COBLL1: variants seen among roughly 807,000 people sequenced by gnomAD.
The protein encoded by COBLL1 is cordon-bleu protein-like 1.
Under a neutral mutation model 94.8 loss-of-function variants are expected in COBLL1, and 50 were observed. The observed-to-expected ratio is 0.53, with a 90% CI of 0.42 to 0.67. COBLL1 has a LOEUF of 0.67. Ranked by LOEUF, COBLL1 falls within the 30% of genes least tolerant of loss-of-function variation. The pLI is 0.00. For synonymous variants in COBLL1, 448 were observed against 473.8 expected, an observed-to-expected ratio of 0.95 and a Z score of 0.71; for missense variants, 1,362 against 1,348.7, an observed-to-expected ratio of 1.01 and a Z score of -0.15.
intron 2 of COBLL1, chr2:164,840,858 G>A: frequency 8.9e-6 from 3 of 336,796 alleles, no homozygotes; most frequent in Non-Finnish European, 1.6e-5. Flanking sequence ...CCAAACAAGG[G>A]TCCCTTTGTT....
chr2:164,738,228 G>A (rs1686415566), intron 3 of COBLL1: 1 of 152,176 alleles, frequency 6.6e-6, no homozygotes, highest in Non-Finnish European at 1.5e-5. Flanking sequence ...AACAGGCTAA[G>A]AAGGATTCGT....
intron 11 of COBLL1, chr2:164,697,921 A>T (rs564883486): frequency 6.6e-6 from 1 of 152,200 alleles, no homozygotes; most frequent in Non-Finnish European, 1.5e-5. Context: ...TCTACTCAAA[A>T]GTGACACTGA....
rs1683267971 is a variant in COBLL1, at chr2:164,686,045, AAC to A, written c.3301-15_3301-14del. The A allele has an allele frequency of 5.3e-6, 8 of 1,516,068 alleles. No homozygotes were observed. Among genetic ancestry groups the A allele is most frequent in the Non-Finnish European group, 7.3e-6 (8 of 1,097,090 alleles). 93.9% of individuals were successfully genotyped at this position (1,516,068 alleles called of 1,614,324 possible). The stretch of plus-strand genomic sequence containing the variant: ...ATGGAATGGTAACCTAAGAGAAAGA[AAC>A]ACACTTTGCACCCATCAATTTAAAA... On this transcript the variant is annotated splice_polypyrimidine_tract_variant and intron_variant, in intron 13 of 13. Coordinates refer to ENST00000652658, the MANE Select transcript of COBLL1 (RefSeq NM_001365672.2).
intron 2 of COBLL1, among the ~76,000 whole-genome samples, chr2:164,814,314 C>A (rs998702239): frequency 3.9e-5 from 6 of 151,962 alleles, no homozygotes; most frequent in Non-Finnish European, 7.4e-5. Context: ...AACATTAGAC[C>A]TAGCATCTAA....
intron 2 of COBLL1, among the ~76,000 whole-genome samples, chr2:164,825,172 C>A (rs1404782397): frequency 2.0e-5 from 3 of 152,046 alleles, no homozygotes; most frequent in Non-Finnish European, 4.4e-5. Flanking sequence ...CTTGCATAAC[C>A]AGAGTCCTGT....
chr2:164,784,481 G>A (rs1011641107), intron 2 of COBLL1, among the ~76,000 whole-genome samples: 9 of 152,088 alleles, frequency 5.9e-5, no homozygotes, highest in South Asian at 2.1e-4. Flanking sequence ...ATCCACATAC[G>A]TAATTATTTC....
At chr2:164,801,498 T>A (rs1378401284) in intron 2 of COBLL1, among the ~76,000 whole-genome samples, 1 of 138,700 alleles carries the variant, frequency 7.2e-6, no homozygotes, top group Non-Finnish European at 1.5e-5. Flanking sequence ...GCAACACACC[T>A]GTAGTCCTAG....
chr2:164,666,405 C>T (rs1212190603), intron 1 of COBLL1, among the ~76,000 whole-genome samples: 1 of 152,102 alleles, frequency 6.6e-6, no homozygotes. Flanking sequence ...TTCAGTAAGT[C>T]GTAATGTTTT....
intron 2 of COBLL1, among the ~76,000 whole-genome samples, chr2:164,795,485 T>TAGAAGATATTTGCAATGGTTAA (rs1683399737): frequency 2.0e-5 from 3 of 152,180 alleles, no homozygotes; most frequent in Admixed American, 6.5e-5. Flanking sequence ...TGCAAATATC[T>TAGAAGATATTTGCAATGGTTAA]TCTAAATTTT....
intron 2 of COBLL1, among the ~76,000 whole-genome samples, chr2:164,755,459 ATTAGG>A (rs1687351317): frequency 1.3e-5 from 2 of 152,180 alleles, no homozygotes; most frequent in African/African-American, 4.8e-5. Context: ...ATATAGTTTC[ATTAGG>A]TTGATTTTTT....
intron 7 of COBLL1, among the ~76,000 whole-genome samples, chr2:164,711,630 ATTATAG>A (rs67892747): frequency 0.085 from 12,951 of 152,284 alleles, 576 homozygotes; most frequent in African/African-American, 0.11. Flanking sequence ...ATGGATATGT[ATTATAG>A]TACATACATT....
intron 2 of COBLL1, among the ~76,000 whole-genome samples, chr2:164,832,919 T>C (rs924460367): frequency 6.6e-6 from 1 of 152,112 alleles, no homozygotes; most frequent in Non-Finnish European, 1.5e-5. Context: ...GGCGCATGCC[T>C]GTAATCCCAG....
intron 7 of COBLL1, among the ~76,000 whole-genome samples, chr2:164,716,835 A>C (rs540560425): frequency 6.6e-6 from 1 of 152,304 alleles, no homozygotes; most frequent in African/African-American, 2.4e-5. Flanking sequence ...GAAATATCTT[A>C]GAAGAATGAG....
intron 2 of COBLL1, among the ~76,000 whole-genome samples, chr2:164,764,559 A>G (rs189018260): frequency 1.3e-5 from 2 of 152,286 alleles, no homozygotes; most frequent in African/African-American, 4.8e-5. Context: ...CTGAAAATAT[A>G]TTTCCCACCA....
At chr2:164,718,322 T>G in intron 7 of COBLL1, 3 of 825,256 alleles carry the variant, frequency 3.6e-6, no homozygotes, top group Non-Finnish European at 4.4e-6. Context: ...AAGTTTATCT[T>G]TAGAGGATGA....
At chr2:164,699,029 A>G (rs79953491) in intron 11 of COBLL1, among the ~76,000 whole-genome samples, 19,125 of 151,996 alleles carry the variant, frequency 0.13, 1,278 homozygotes, top group African/African-American at 0.16. Context: ...AAAGAGAAAC[A>G]GATCGCAAAT....
intron 2 of COBLL1, among the ~76,000 whole-genome samples, chr2:164,822,772 A>AT (rs1374473378): frequency 8.5e-6 from 1 of 118,002 alleles, no homozygotes; most frequent in Non-Finnish European, 1.8e-5. Context: ...TATTATTATT[A>AT]TTATTATTAT....
intron 2 of COBLL1, among the ~76,000 whole-genome samples, chr2:164,780,950 C>A (rs1290648990): frequency 6.6e-6 from 1 of 152,140 alleles, no homozygotes; most frequent in African/African-American, 2.4e-5. Context: ...GAATACCTTG[C>A]CTGTGATGTG....
intron 2 of COBLL1, among the ~76,000 whole-genome samples, chr2:164,662,067 T>C (rs994397961): frequency 6.6e-6 from 1 of 152,186 alleles, no homozygotes; most frequent in Admixed American, 6.5e-5. Context: ...ATAGAGAAAT[T>C]CAAAATGTTT....
Sources: allele counts gnomAD v4.1 joint callset (sites outside exome capture counted in the v4.1 genomes callset), GRCh38; gene constraint gnomAD v4.1.1; transcripts MANE v1.5; gene names NCBI Gene and HGNC (gene_info 2026-07-23, HGNC 2026-07-21).